Variants in LUC7L observed in about 807,000 individuals in gnomAD.
The protein encoded by LUC7L is LUC7 like.
In LUC7L, 29 loss-of-function variants were observed where a neutral mutation model predicts 51.1. That is an observed-to-expected ratio of 0.57 (90% CI 0.42 to 0.77). The LOEUF (loss-of-function observed/expected upper bound fraction) is 0.77. Ranked by LOEUF, LUC7L falls within the 30% of genes least tolerant of loss-of-function variation. The pLI is 0.00. For synonymous variants in LUC7L, 181 were observed against 180.7 expected, an observed-to-expected ratio of 1.00 and a Z score of -0.01; for missense variants, 403 against 511.9, an observed-to-expected ratio of 0.79 and a Z score of 2.05.
intron 6 of LUC7L, among the ~76,000 whole-genome samples, chr16:193,433 C>T (rs1467269209): frequency 6.6e-6 from 1 of 152,084 alleles, no homozygotes; most frequent in Non-Finnish European, 1.5e-5. Context: ...GCATGAGCCA[C>T]CGCGCCCGGC....
At position 222,194 on chromosome 16, in the gene LUC7L, C is replaced by A. The variant is rs527453460; in HGVS notation, c.157-1447G>T. Among the ~76,000 whole-genome samples the A allele has an allele frequency of 1.1e-4, 16 of 152,046 alleles. No individual in the cohort carries two copies. The East Asian group carries it at 2.9e-3, about 28-fold the overall frequency. On this transcript the variant is annotated intron_variant, in intron 2 of 9. Coordinates refer to ENST00000293872, the MANE Select transcript of LUC7L (RefSeq NM_201412.3). ...CTCTATGCAGACACCTTCTGCCTCT[C>A]GCCATCTACACAGCAACAGGGAGGT...
intron 3 of LUC7L, among the ~76,000 whole-genome samples, chr16:215,931 G>GT (rs2049783014): frequency 1.3e-5 from 2 of 151,980 alleles, no homozygotes; most frequent in Admixed American, 1.3e-4. Context: ...CTGGGCTCAA[G>GT]TGATCCTTCA....
chr16:222,496 G>A (rs956625908), intron 2 of LUC7L, among the ~76,000 whole-genome samples: 7 of 151,990 alleles, frequency 4.6e-5, no homozygotes, highest in African/African-American at 4.8e-5. Context: ...CAATTAGCTG[G>A]GTGTGGTGGT....
intron 3 of LUC7L, among the ~76,000 whole-genome samples, chr16:217,044 G>A (rs968217468): frequency 2.0e-5 from 3 of 151,502 alleles, no homozygotes; most frequent in Admixed American, 6.6e-5. Flanking sequence ...ACAGAGTTTC[G>A]CTCTGTCACC....
intron 1 of LUC7L, chr16:228,736 T>C: frequency 8.0e-7 from 1 of 1,249,428 alleles, no homozygotes; most frequent in Non-Finnish European, 1.0e-6. Context: ...ACAGAGGCTC[T>C]CCTGTGTGCT....
Position 189,034 on chromosome 16 carries a change from C to A in LUC7L, c.*164G>T, listed in dbSNP as rs188055343. The A allele has an allele frequency of 2.6e-6, 2 of 755,648 alleles. No individual in the cohort carries two copies. The highest frequency in any genetic ancestry group is 3.5e-5 in the African/African-American group (2 of 57,648). 46.8% of individuals were successfully genotyped at this position (755,648 alleles called of 1,614,324 possible). A position where few individuals can be genotyped will look rare whatever the true frequency, so the allele number is the denominator to read the frequency against. On this transcript the variant is annotated 3_prime_UTR_variant, in exon 10 of 10. Transcript: ENST00000293872. ...TTATTTATTCCTACTCAACATGACCCGGGAACACAGGAGCAACTCTGTACA... is the reference window on the plus strand; with the variant it reads ...TTATTTATTCCTACTCAACATGACCAGGGAACACAGGAGCAACTCTGTACA...
chr16:210,045 T>TG (rs2142082096), intron 3 of LUC7L, among the ~76,000 whole-genome samples: 1 of 152,270 alleles, frequency 6.6e-6, no homozygotes, highest in African/African-American at 2.4e-5. Context: ...CCCAGCACTT[T>TG]GGGAGGCCAA....
At position 225,798 on chromosome 16, in the gene LUC7L, CAAAAAAAAAA is replaced by C. The variant is rs202030985; in HGVS notation, c.156+1434_156+1443del. Among the ~76,000 whole-genome samples the C allele has an allele frequency of 6.4e-3, 884 of 138,766 alleles. 20 individuals are homozygous for C. The East Asian group carries it at 0.071, about 11-fold the overall frequency. 91.0% of individuals were successfully genotyped at this position (138,766 alleles called of 152,430 possible). ...CCGCACCCAGCCTGAAATTCTGTCT[CAAAAAAAAAA>C]AGAAAAGAAAAGAAAAGAAAAGAAA... is the stretch of plus-strand genomic sequence containing the variant. On this transcript the variant is annotated intron_variant, in intron 2 of 9. Coordinates refer to ENST00000293872, the MANE Select transcript of LUC7L (RefSeq NM_201412.3).
chr16:214,102 C>CT (rs1283061017), intron 3 of LUC7L, among the ~76,000 whole-genome samples: 7 of 151,752 alleles, frequency 4.6e-5, no homozygotes, highest in Admixed American at 2.0e-4. Flanking sequence ...GAGTCTTGCT[C>CT]TGTCGCCCAG....
chr16:205,875 C>G (rs1352052276), intron 5 of LUC7L, 129 bp downstream of exon 5: 1 of 1,072,112 alleles, frequency 9.3e-7, no homozygotes, highest in African/African-American at 1.6e-5. Flanking sequence ...AGGCGTGAGC[C>G]ACTGTGCTGG....
intron 5 of LUC7L, among the ~76,000 whole-genome samples, chr16:205,629 G>T (rs527417694): frequency 6.6e-6 from 1 of 152,044 alleles, no homozygotes; most frequent in South Asian, 2.1e-4. Context: ...TCGCTCTGTC[G>T]CCCAGGCTGG....
At chr16:198,239 A>G (rs998918628) in intron 6 of LUC7L, among the ~76,000 whole-genome samples, 2 of 125,226 alleles carry the variant, frequency 1.6e-5, no homozygotes, top group Non-Finnish European at 3.1e-5. Flanking sequence ...AGATTGGGCC[A>G]CTGCACTCCA....
chr16:200,416 G>A (rs1167746028), intron 5 of LUC7L, among the ~76,000 whole-genome samples: 1,461 of 117,846 alleles, frequency 0.012, no homozygotes, highest in Middle Eastern at 0.022. Flanking sequence ...CGTCTCAAAA[G>A]AAAAAAAAAA....
In LUC7L at chr16:196,259, T is replaced by C. The variant is rs140991616; in HGVS notation, c.687+2803A>G. Reference sequence around the variant, plus strand: ...CCCATCTCTACTAAAAACACAAAAATGAGCCAGGCATGGTGGTGCACGCCT... The same window carrying C: ...CCCATCTCTACTAAAAACACAAAAACGAGCCAGGCATGGTGGTGCACGCCT... On this transcript the variant is annotated intron_variant, in intron 6 of 9. Coordinates refer to ENST00000293872, the MANE Select transcript of LUC7L (RefSeq NM_201412.3). 2.9e-3 allele frequency among the ~76,000 whole-genome samples: 435 copies of C among 151,934 alleles called. 2 individuals are homozygous for C. The highest frequency in any genetic ancestry group is 0.01 in the African/African-American group (416 of 41,464).
At chr16:227,510 T>C in intron 1 of LUC7L, 174 bp from the exon 2 acceptor site, 1 of 1,434,484 alleles carries the variant, frequency 7.0e-7, no homozygotes, top group South Asian at 1.5e-5. Flanking sequence ...AATACACATT[T>C]TTTTGAGGCT....
rs1299454104 is a variant in LUC7L, at chr16:227,275, C to T, written c.123G>A (p.Leu41=). The T allele has an allele frequency of 1.2e-6, 2 of 1,612,992 alleles. No individual in the cohort carries two copies. The highest frequency in any genetic ancestry group is 1.7e-6 in the Non-Finnish European group (2 of 1,179,544). ...CCAGGATGTCATGGGGGCAGCAGTC[C>T]AGAAGGTGACTCTTGCAGACACGGT... ...TDDRVCKSHL[L]DCCPHDILAG... The change falls in exon 2 of 10, where the codon CTG becomes CTA. Residue 41 remains leucine (L), a synonymous_variant. Coordinates refer to ENST00000293872, the MANE Select transcript of LUC7L (RefSeq NM_201412.3).
intron 2 of LUC7L, among the ~76,000 whole-genome samples, chr16:222,951 TAAAAAAAAAA>T (rs376499817): frequency 1.7e-5 from 2 of 119,892 alleles, no homozygotes; most frequent in Non-Finnish European, 3.6e-5. Context: ...CCCCGTCTTT[TAAAAAAAAAA>T]AAAAAAAAAG....
At position 189,102 on chromosome 16, in the gene LUC7L, A is replaced by T; in HGVS notation, c.*96T>A. The T allele has an allele frequency of 7.5e-7, 1 of 1,341,510 alleles. No individual in the cohort carries two copies. The highest frequency in any genetic ancestry group is 1.0e-6 in the Non-Finnish European group (1 of 975,526). 83.1% of individuals were successfully genotyped at this position (1,341,510 alleles called of 1,614,324 possible). ...CTAGCTCCAAAACAATAGAAATTTT[A>T]AACTACAAAAGATGAGTTGTATTCA... On this transcript the variant is annotated 3_prime_UTR_variant, in exon 10 of 10. Coordinates refer to ENST00000293872, the MANE Select transcript of LUC7L (RefSeq NM_201412.3).
chr16:229,034 G>A (rs1254376990), intron 1 of LUC7L: 10 of 1,426,360 alleles, frequency 7.0e-6, no homozygotes, highest in Non-Finnish European at 9.2e-6. Flanking sequence ...CGGTACATAG[G>A]AAGGAGGCTG....
Sources: allele counts gnomAD v4.1 joint callset (sites outside exome capture counted in the v4.1 genomes callset), GRCh38; gene constraint gnomAD v4.1.1; transcripts MANE v1.5; gene names NCBI Gene and HGNC (gene_info 2026-07-23, HGNC 2026-07-21).